MACF1: variants seen among roughly 807,000 people sequenced by gnomAD.
MACF1 encodes the protein microtubule actin crosslinking factor 1.
In MACF1, 193 loss-of-function variants were observed where a neutral mutation model predicts 854.8. The observed-to-expected ratio is 0.23, with a 90% CI of 0.20 to 0.25. MACF1 has a LOEUF of 0.25. Ranked by LOEUF, MACF1 falls within the 10% of genes least tolerant of loss-of-function variation. The probability of loss-of-function intolerance (pLI) is 1.00; values close to 1 mark genes in which losing one functional copy is unlikely to be tolerated. For missense variants in MACF1, 7,722 were observed against 8,929.1 expected (o/e 0.86, Z 5.45); for synonymous variants, 3,185 against 3,226.7 (o/e 0.99, Z 0.44).
intron 99 of MACF1, among the ~76,000 whole-genome samples, chr1:39,483,578 G>A (rs2124257295): frequency 6.6e-6 from 1 of 152,306 alleles, no homozygotes; most frequent in East Asian, 1.9e-4. Context: ...ATGGACTGAT[G>A]AGGAGTGTGG....
intron 2 of MACF1, among the ~76,000 whole-genome samples, chr1:39,173,271 C>T (rs1232962291): frequency 1.4e-5 from 2 of 143,250 alleles, no homozygotes; most frequent in African/African-American, 2.6e-5. Flanking sequence ...ACCTGGGAGG[C>T]GGAGGTTGCG....
rs1038233143 is a variant in MACF1, at chr1:39,367,095, C to T, written c.12772-1053C>T. 5.3e-5 allele frequency among the ~76,000 whole-genome samples: 8 copies of T among 151,864 alleles called. No homozygotes were observed. In the East Asian group the frequency reaches 9.7e-4, roughly 18 times the overall value. ...CCCAAGCAGCTGGGACTACAGAGTG[C>T]GCCACCATGCCCAGCTAATTTTTGT... is the stretch of plus-strand genomic sequence containing the variant. On this transcript the variant is annotated intron_variant, in intron 49 of 100. Transcript: ENST00000564288.
chr1:39,242,342 T>C, intron 2 of MACF1, among the ~76,000 whole-genome samples: 1 of 146,256 alleles, frequency 6.8e-6, no homozygotes, highest in Admixed American at 6.9e-5. Flanking sequence ...AGAGTGAGAC[T>C]CTGCCTCAAA....
chr1:39,258,218 C>G (rs550502134), intron 6 of MACF1, among the ~76,000 whole-genome samples, 190 bp downstream of exon 6: 1 of 152,186 alleles, frequency 6.6e-6, no homozygotes, highest in African/African-American at 2.4e-5. Flanking sequence ...GCAAAACTTC[C>G]TAATTATTTG....
rs1553347015 is a variant in MACF1, at chr1:39,393,844, AGG to A, written c.15816+5188_15816+5189del. ...AAGAAAGACAGAGAGAGAGGGAGGG[AGG>A]GAGAGAGAGAGAGAGAGAGAAAGAA... On this transcript the variant is annotated intron_variant, in intron 58 of 100. Coordinates refer to ENST00000564288, the MANE Select transcript of MACF1 (RefSeq NM_001394062.1). Among the ~76,000 whole-genome samples, 30 of 120,328 alleles carry A rather than the reference AGG, an allele frequency of 2.5e-4. 1 individual carries two copies. The East Asian group carries it at 6.2e-3, about 25-fold the overall frequency. The allele number at this position is 120,328 out of a possible 152,430, so 78.9% of individuals were successfully genotyped here.
At chr1:39,359,767 G>A (rs1006731367) in intron 47 of MACF1, among the ~76,000 whole-genome samples, 97 of 151,084 alleles carry the variant, frequency 6.4e-4, no homozygotes, top group African/African-American at 2.3e-3. Flanking sequence ...TCAGGAGATC[G>A]AGACCATCCT....
chr1:39,448,242 G>C, intron 83 of MACF1, 90 bp downstream of exon 83: 1 of 1,419,774 alleles, frequency 7.0e-7, no homozygotes. Context: ...CTAGTAAAAA[G>C]AAAACCAATT....
intron 2 of MACF1, among the ~76,000 whole-genome samples, chr1:39,239,314 A>T (rs758782034): frequency 2.0e-4 from 30 of 151,326 alleles, no homozygotes; most frequent in Admixed American, 8.6e-4. Context: ...CAAACAAACA[A>T]AAAACACCAC....
intron 5 of MACF1, among the ~76,000 whole-genome samples, chr1:39,255,168 A>T (rs1246120338): frequency 6.6e-6 from 1 of 152,208 alleles, no homozygotes; most frequent in East Asian, 1.9e-4. Context: ...AGTTTAGTGC[A>T]CCTTCCACTA....
At chr1:39,113,042 C>T (rs1032465808) in intron 2 of MACF1, among the ~76,000 whole-genome samples, 1 of 152,124 alleles carries the variant, frequency 6.6e-6, no homozygotes, top group Admixed American at 6.5e-5. Flanking sequence ...TACAATGCGG[C>T]TTCCCAGAGA....
rs773119509 is a variant in MACF1, at chr1:39,285,651, T to A, written c.1401T>A (p.Asp467Glu). 2 of 1,614,114 alleles carry A rather than the reference T, an allele frequency of 1.2e-6. No homozygotes were observed. The highest frequency in any genetic ancestry group is 1.7e-6 in the Non-Finnish European group (2 of 1,180,000). The change falls in exon 14 of 101, where the codon GAT becomes GAA. Residue 467 changes from aspartate to glutamate, a missense_variant. Asp to Glu is a conservative substitution (Grantham distance 45, BLOSUM62 2). Transcript: ENST00000564288. The stretch of plus-strand genomic sequence containing the variant: ...GACAACCGGTACAATGTGAGTCAGA[T>A]GTCATTATGTACATTCAGGAGTGTG... ...ESGQPVQCESDVIMYIQECEG... is the reference protein window; with the variant it reads ...ESGQPVQCESEVIMYIQECEG...
intron 2 of MACF1, among the ~76,000 whole-genome samples, chr1:39,158,278 G>T (rs949915914): frequency 1.3e-5 from 2 of 152,162 alleles, no homozygotes. Flanking sequence ...AGAGGGTCCT[G>T]TCTCCCTGAA....
intron 1 of MACF1, among the ~76,000 whole-genome samples, chr1:39,208,165 G>GT (rs1252836388): frequency 2.1e-5 from 2 of 93,110 alleles, no homozygotes; most frequent in Non-Finnish European, 5.4e-5. Flanking sequence ...AATATAAAAG[G>GT]GTTTTTTTTT....
chr1:39,296,811 AAAGGAAGG>A (rs751164815), intron 20 of MACF1, among the ~76,000 whole-genome samples: 1,258 of 106,372 alleles, frequency 0.012, 28 homozygotes, highest in Middle Eastern at 0.016. Context: ...GAAAAGAAAG[AAAGGAAGG>A]AAGGAAGGAA....
intron 70 of MACF1, chr1:39,436,630 G>A (rs1439632481): frequency 1.3e-6 from 1 of 793,210 alleles, no homozygotes; most frequent in Non-Finnish European, 2.1e-6. Context: ...CATTTGGGGT[G>A]GAACCTAGAA....
Position 39,335,892 on chromosome 1 carries a change from T to G in MACF1, c.9304T>G (p.Phe3102Val). ...EIACGAQSEP[F>V]PCMTPRPEGL... is the part of the protein sequence containing the mutation. Reference sequence around the variant, plus strand: ...TGCCTGTGGGGCCCAGAGTGAACCATTCCCTTGTATGACCCCAAGACCTGA... The same window carrying G: ...TGCCTGTGGGGCCCAGAGTGAACCAGTCCCTTGTATGACCCCAAGACCTGA... Residue 3102 changes from phenylalanine to valine, a missense_variant, in exon 37 of 101, where the codon TTC becomes GTC. By Grantham distance (50) the Phe-to-Val change is conservative. This residue lies in a region of MACF1 where 854 missense variants were observed against 852.6 expected (regional missense o/e 1.00). Transcript: ENST00000564288. 6.2e-7 allele frequency: 1 copy of G among 1,614,022 alleles called. No individual in the cohort carries two copies. The highest frequency in any genetic ancestry group is 8.5e-7 in the Non-Finnish European group (1 of 1,180,000).
At chr1:39,202,992 CA>C (rs1260750035), upstream of MACF1, among the ~76,000 whole-genome samples, 1 of 151,826 alleles carries the variant, frequency 6.6e-6, no homozygotes, top group Non-Finnish European at 1.5e-5. Flanking sequence ...GTAGGTTATG[CA>C]CATCTAAAAC....
At chr1:39,346,668 T>G (rs181234678) in intron 40 of MACF1, among the ~76,000 whole-genome samples, 2,176 of 151,860 alleles carry the variant, frequency 0.014, 37 homozygotes, top group African/African-American at 0.049. Context: ...TACAGGCGCC[T>G]GCCACTACGC....
At chr1:39,149,182 A>G (rs377177764) in intron 2 of MACF1, among the ~76,000 whole-genome samples, 14 of 152,158 alleles carry the variant, frequency 9.2e-5, no homozygotes, top group African/African-American at 2.2e-4. Context: ...GCAGGAACTG[A>G]TAGGATTTGA....
Sources: gnomAD v4.1 joint callset for allele counts (sites outside exome capture counted in the v4.1 genomes callset) on GRCh38, gnomAD v4.1.1 for gene constraint, gnomAD v4.1.1 regional missense constraint, MANE v1.5 for transcripts, NCBI Gene and HGNC (gene_info 2026-07-23, HGNC 2026-07-21) for gene names.